Variants in WDPCP observed in about 807,000 individuals in gnomAD.
WDPCP encodes the protein WD repeat containing planar cell polarity effector.
Under a neutral mutation model 93.1 loss-of-function variants are expected in WDPCP, and 71 were observed. That is an observed-to-expected ratio of 0.76 (90% CI 0.63 to 0.93). The LOEUF (loss-of-function observed/expected upper bound fraction) is 0.93. WDPCP is among the 40% of genes least tolerant of loss of function. The pLI is 0.00. For missense variants in WDPCP, 844 were observed against 887.4 expected (o/e 0.95, Z 0.62); for synonymous variants, 315 against 315.0 (o/e 1.00, Z 0.00).
At chr2:63,321,484 C>T (rs371623909) in intron 12 of WDPCP, among the ~76,000 whole-genome samples, 1 of 151,898 alleles carries the variant, frequency 6.6e-6, no homozygotes, top group South Asian at 2.1e-4. Context: ...TCATTTTTGT[C>T]ATTCTGGCCC....
At chr2:63,146,022 G>A (rs1559152999) in intron 17 of WDPCP, among the ~76,000 whole-genome samples, 1 of 152,166 alleles carries the variant, frequency 6.6e-6, no homozygotes, top group Admixed American at 6.5e-5. Context: ...TATTGTTGGT[G>A]TATAGGAATG....
intron 4 of WDPCP, among the ~76,000 whole-genome samples, chr2:63,486,056 T>G (rs1700556990): frequency 6.6e-6 from 1 of 151,724 alleles, no homozygotes; most frequent in South Asian, 2.1e-4. Context: ...CCAAAAAAAT[T>G]TTAATGTATG....
chr2:63,563,116 T>C (rs1706758118), intron 1 of WDPCP, among the ~76,000 whole-genome samples: 1 of 152,174 alleles, frequency 6.6e-6, no homozygotes, highest in Non-Finnish European at 1.5e-5. Context: ...AAGGATTGCA[T>C]TTCTAATTCT....
intron 9 of WDPCP, among the ~76,000 whole-genome samples, chr2:63,412,106 T>A (rs1460349251): frequency 1.3e-5 from 2 of 152,176 alleles, no homozygotes; most frequent in Non-Finnish European, 2.9e-5. Flanking sequence ...ATATCCTTGA[T>A]GAACATTGAT....
chr2:63,321,549 T>A (rs374829744), intron 12 of WDPCP, among the ~76,000 whole-genome samples: 2 of 152,112 alleles, frequency 1.3e-5, no homozygotes, highest in East Asian at 3.9e-4. Context: ...TTTTGTCTGT[T>A]TCTTCTTATA....
chr2:63,622,622 A>G, intron 3 of WDPCP: 3 of 1,613,790 alleles, frequency 1.9e-6, no homozygotes, highest in Non-Finnish European at 1.7e-6. Flanking sequence ...CATTGGCAGG[A>G]AATAGTTGCT....
intron 14 of WDPCP, among the ~76,000 whole-genome samples, chr2:63,239,558 G>A (rs149547329): frequency 7.9e-5 from 12 of 152,102 alleles, no homozygotes; most frequent in Non-Finnish European, 1.5e-4. Context: ...GACATAATAA[G>A]GGCATAGGAA....
intron 13 of WDPCP, among the ~76,000 whole-genome samples, chr2:63,264,792 T>C (rs763255825): frequency 6.6e-6 from 1 of 152,194 alleles, no homozygotes; most frequent in Non-Finnish European, 1.5e-5. Context: ...CAAGAGTACA[T>C]TGAACATTCT....
At chr2:63,577,859 T>TA (rs1288079834) in intron 1 of WDPCP, among the ~76,000 whole-genome samples, 1 of 152,210 alleles carries the variant, frequency 6.6e-6, no homozygotes, top group African/African-American at 2.4e-5. Context: ...TTAACTTAAA[T>TA]ACTGCACTTT....
chr2:63,552,656 A>C (rs2106366480), intron 1 of WDPCP, among the ~76,000 whole-genome samples: 1 of 152,350 alleles, frequency 6.6e-6, no homozygotes, highest in Admixed American at 6.5e-5. Flanking sequence ...ACAGATACAA[A>C]CAGCAGAACA....
At chr2:63,169,968 T>A (rs1442138249) in intron 15 of WDPCP, among the ~76,000 whole-genome samples, 1 of 151,776 alleles carries the variant, frequency 6.6e-6, no homozygotes, top group Non-Finnish European at 1.5e-5. Context: ...CAGGACTCAT[T>A]GAAGCCTTAA....
chr2:63,833,248 A>C, the WDPCP span, among the ~76,000 whole-genome samples: 1 of 152,170 alleles, frequency 6.6e-6, no homozygotes, highest in African/African-American at 2.4e-5. Flanking sequence ...GTGAGACTCC[A>C]TCTCAAAAAA....
intron 13 of WDPCP, among the ~76,000 whole-genome samples, chr2:63,259,956 A>T (rs571287831): frequency 6.6e-6 from 1 of 152,292 alleles, no homozygotes; most frequent in Non-Finnish European, 1.5e-5. Flanking sequence ...GGGGAGAGAG[A>T]CCACTGTAAA....
At chr2:63,341,560 C>T (rs982653273) in intron 12 of WDPCP, among the ~76,000 whole-genome samples, 5 of 152,190 alleles carry the variant, frequency 3.3e-5, no homozygotes, top group African/African-American at 1.2e-4. Context: ...TAGTTTATAG[C>T]ATTGTTCAAA....
chr2:63,618,688 ATTT>A (rs112387422), intron 3 of WDPCP, among the ~76,000 whole-genome samples: 2 of 135,546 alleles, frequency 1.5e-5, no homozygotes. Flanking sequence ...TGGGATAGTA[ATTT>A]TTTTTTTTTT....
chr2:63,813,936 C>A (rs1354597948), intron 1 of WDPCP, among the ~76,000 whole-genome samples: 1 of 152,098 alleles, frequency 6.6e-6, no homozygotes, highest in African/African-American at 2.4e-5. Context: ...CAATGTATTC[C>A]ATATCATAGA....
intron 6 of WDPCP, chr2:63,441,650 A>T (rs1697513754): frequency 6.6e-6 from 1 of 151,902 alleles, no homozygotes; most frequent in Non-Finnish European, 1.5e-5. Context: ...AAAAAAAAAA[A>T]CTTGGTCTAA....
chr2:63,147,570 A>G (rs1293698286), intron 17 of WDPCP, among the ~76,000 whole-genome samples: 1 of 152,174 alleles, frequency 6.6e-6, no homozygotes, highest in Non-Finnish European at 1.5e-5. Context: ...TTATCCATGC[A>G]TTTTTGCCTA....
intron 17 of WDPCP, among the ~76,000 whole-genome samples, chr2:63,133,263 G>A (rs925426262): frequency 1.3e-5 from 2 of 152,106 alleles, no homozygotes; most frequent in African/African-American, 2.4e-5. Flanking sequence ...GAATCTGTAG[G>A]GTCTCTCTGC....
Sources: allele counts gnomAD v4.1 joint callset (sites outside exome capture counted in the v4.1 genomes callset), GRCh38; gene constraint gnomAD v4.1.1; transcripts MANE v1.5; gene names NCBI Gene and HGNC (gene_info 2026-07-23, HGNC 2026-07-21).